The following AK5 variants were observed in gnomAD, a reference collection of about 807,000 sequenced individuals.
The protein encoded by AK5 is adenylate kinase isoenzyme 5.
A neutral mutation model predicts 69.5 loss-of-function variants in AK5; 27 were observed. The observed-to-expected ratio is 0.39, with a 90% CI of 0.29 to 0.54. The LOEUF (loss-of-function observed/expected upper bound fraction) is 0.54. Ranked by LOEUF, AK5 falls within the 20% of genes least tolerant of loss-of-function variation. The pLI is 0.71. For synonymous variants in AK5, 260 were observed against 244.4 expected, an observed-to-expected ratio of 1.06 and a Z score of -0.60; for missense variants, 531 against 700.4, an observed-to-expected ratio of 0.76 and a Z score of 2.73.
chr1:77,391,274 G>A (rs1020171328), intron 6 of AK5, among the ~76,000 whole-genome samples: 3 of 151,926 alleles, frequency 2.0e-5, no homozygotes, highest in Admixed American at 6.6e-5. Flanking sequence ...CTCTAGAGAA[G>A]GGTGCAGAAG....
intron 5 of AK5, among the ~76,000 whole-genome samples, chr1:77,321,389 A>C (rs1316767194): frequency 6.6e-6 from 1 of 152,184 alleles, no homozygotes; most frequent in Non-Finnish European, 1.5e-5. Context: ...GAATCACTTG[A>C]ACCCGAGAGG....
At chr1:77,499,004 T>C (rs753217013) in intron 10 of AK5, among the ~76,000 whole-genome samples, 4 of 152,224 alleles carry the variant, frequency 2.6e-5, no homozygotes, top group African/African-American at 4.8e-5. Context: ...GCCTATATGC[T>C]GCCATTTCCT....
At chr1:77,542,341 C>T (rs537711550) in intron 13 of AK5, among the ~76,000 whole-genome samples, 38 of 152,098 alleles carry the variant, frequency 2.5e-4, no homozygotes, top group African/African-American at 7.7e-4. Flanking sequence ...AGAGCAAAAC[C>T]GTATACAAGA....
chr1:77,294,640 C>G (rs1189546991), intron 3 of AK5, among the ~76,000 whole-genome samples: 1 of 152,024 alleles, frequency 6.6e-6, no homozygotes, highest in Non-Finnish European at 1.5e-5. Flanking sequence ...CACATAACAT[C>G]TGAGTATTAA....
intron 8 of AK5, among the ~76,000 whole-genome samples, chr1:77,422,895 G>A (rs1028185754): frequency 5.3e-5 from 8 of 152,014 alleles, no homozygotes; most frequent in Admixed American, 1.3e-4. Context: ...TTTTCCCTTC[G>A]AGAAAATGGT....
intron 6 of AK5, among the ~76,000 whole-genome samples, chr1:77,401,378 G>A (rs1436211953): frequency 6.6e-6 from 1 of 152,194 alleles, no homozygotes; most frequent in Non-Finnish European, 1.5e-5. Flanking sequence ...AATGCCATTG[G>A]TGGAGAGCCT....
intron 5 of AK5, among the ~76,000 whole-genome samples, chr1:77,323,839 AAT>A (rs1168439634): frequency 2.0e-5 from 3 of 152,258 alleles, no homozygotes; most frequent in Non-Finnish European, 4.4e-5. Flanking sequence ...AGAGGAGAGA[AAT>A]ATTTGGAAAG....
intron 8 of AK5, among the ~76,000 whole-genome samples, chr1:77,441,037 C>T (rs1451675557): frequency 3.9e-5 from 6 of 152,214 alleles, no homozygotes; most frequent in African/African-American, 1.4e-4. Context: ...GCGTGAGCCA[C>T]CGTGCTCAGC....
chr1:77,542,294 G>T (rs765632281), intron 13 of AK5, among the ~76,000 whole-genome samples: 6 of 152,086 alleles, frequency 3.9e-5, no homozygotes, highest in Non-Finnish European at 5.9e-5. Context: ...CTGCACTCTG[G>T]CCTGGATGAC....
intron 8 of AK5, among the ~76,000 whole-genome samples, chr1:77,427,810 A>G (rs201582045): frequency 6.6e-6 from 1 of 152,290 alleles, no homozygotes; most frequent in Admixed American, 6.5e-5. Context: ...TAAGGCAAGG[A>G]TGTCTCCTTT....
chr1:77,428,739 G>A (rs1486479185), intron 8 of AK5, among the ~76,000 whole-genome samples: 1 of 152,096 alleles, frequency 6.6e-6, no homozygotes, highest in East Asian at 1.9e-4. Flanking sequence ...ATCTCCAAAT[G>A]CTACCCCTAC....
chr1:77,550,035 AT>A (rs2100393734), intron 13 of AK5, among the ~76,000 whole-genome samples: 1 of 152,040 alleles, frequency 6.6e-6, no homozygotes, highest in East Asian at 1.9e-4. Flanking sequence ...ATCACAGCTC[AT>A]TTTAGCCTTG....
chr1:77,338,154 G>A (rs1661468199), intron 5 of AK5, among the ~76,000 whole-genome samples: 3 of 151,888 alleles, frequency 2.0e-5, no homozygotes, highest in African/African-American at 4.8e-5. Flanking sequence ...TAGTAGAGAC[G>A]GGGTTTTGCC....
intron 10 of AK5, among the ~76,000 whole-genome samples, chr1:77,504,144 C>CT (rs1256811822): frequency 6.6e-6 from 1 of 152,134 alleles, no homozygotes; most frequent in African/African-American, 2.4e-5. Context: ...CTTACACTGC[C>CT]TAGCGCATGT....
chr1:77,417,837 C>T (rs1650533688), intron 8 of AK5, 122 bp downstream of exon 8: 1 of 607,628 alleles, frequency 1.6e-6, no homozygotes, highest in East Asian at 3.0e-5. Flanking sequence ...TAACTAATAA[C>T]ATATTACATG....
At chr1:77,518,287 A>G (rs1366331906) in intron 10 of AK5, among the ~76,000 whole-genome samples, 1 of 152,128 alleles carries the variant, frequency 6.6e-6, no homozygotes, top group Non-Finnish European at 1.5e-5. Context: ...GCCTGTGACC[A>G]TGGGTTACAA....
At position 77,559,262 on chromosome 1, in the gene AK5, TATG is replaced by T. The variant is rs1414054702; in HGVS notation, c.*594_*596del. 6.6e-6 allele frequency: 1 copy of T among 152,208 alleles called. No homozygotes were observed. The highest frequency in any genetic ancestry group is 2.4e-5 in the African/African-American group (1 of 41,452). The allele number at this position is 152,208 out of a possible 1,614,324, so 9.4% of individuals were successfully genotyped here. Reference sequence around the variant, plus strand: ...GTAAAATTTGACAGAAATTTTAAAATATGAAGATGTATAGCTTTCCCAAGATGA... The same window carrying T: ...GTAAAATTTGACAGAAATTTTAAAATAAGATGTATAGCTTTCCCAAGATGA... On this transcript the variant is annotated 3_prime_UTR_variant, in exon 14 of 14. Coordinates refer to ENST00000354567, the MANE Select transcript of AK5 (RefSeq NM_174858.3).
chr1:77,297,733 T>G lies in AK5; in HGVS notation c.585+5T>G. The stretch of plus-strand genomic sequence containing the variant: ...ACTGGAGAATTGGCCCCACAGGTAC[T>G]GCTGTATAATTATCTTTTATTCTGC... On this transcript the variant is annotated splice_donor_5th_base_variant and intron_variant, in intron 4 of 13. Transcript: ENST00000354567. 1 of 1,609,400 alleles carries G rather than the reference T, an allele frequency of 6.2e-7. No homozygotes were observed. Among genetic ancestry groups the G allele is most frequent in the Non-Finnish European group, 8.5e-7 (1 of 1,178,604 alleles).
intron 5 of AK5, among the ~76,000 whole-genome samples, chr1:77,327,192 G>T (rs1660848099): frequency 6.6e-6 from 1 of 152,108 alleles, no homozygotes; most frequent in Non-Finnish European, 1.5e-5. Flanking sequence ...TTCAAGACCA[G>T]CCTGGGCAAA....
Sources: allele counts gnomAD v4.1 joint callset (sites outside exome capture counted in the v4.1 genomes callset), GRCh38; gene constraint gnomAD v4.1.1; transcripts MANE v1.5; gene names NCBI Gene and HGNC (gene_info 2026-07-23, HGNC 2026-07-21).